The following FBXL5 variants were observed in gnomAD, a reference collection of about 807,000 sequenced individuals.
FBXL5 encodes the protein F-box/LRR-repeat protein 5.
A neutral mutation model predicts 78.3 loss-of-function variants in FBXL5; 26 were observed. That is an observed-to-expected ratio of 0.33 (90% CI 0.24 to 0.46). FBXL5 has a LOEUF of 0.46. FBXL5 is among the 20% of genes least tolerant of loss of function. The pLI is 1.00. For synonymous variants in FBXL5, 295 were observed against 282.5 expected, an observed-to-expected ratio of 1.04 and a Z score of -0.45; for missense variants, 710 against 829.2, an observed-to-expected ratio of 0.86 and a Z score of 1.77.
intron 1 of FBXL5, among the ~76,000 whole-genome samples, chr4:15,674,435 C>T (rs1369120772): frequency 6.6e-6 from 1 of 152,002 alleles, no homozygotes; most frequent in East Asian, 1.9e-4. Context: ...ACACTCATCA[C>T]TTTAAATAAA....
In FBXL5 at chr4:15,617,307, C is replaced by T. The variant is rs139097918; in HGVS notation, c.1851-4893G>A. 2.9e-3 allele frequency among the ~76,000 whole-genome samples: 440 copies of T among 152,102 alleles called. 6 individuals are homozygous for T. Among genetic ancestry groups the T allele is most frequent in the African/African-American group, 0.01 (424 of 41,488 alleles). Reference sequence around the variant, plus strand: ...CTGTAATCCCAGCACTTCGGGAGGCCGAGGCAGGTGGACTGCCTGAGCTCA... The same window carrying T: ...CTGTAATCCCAGCACTTCGGGAGGCTGAGGCAGGTGGACTGCCTGAGCTCA... On this transcript the variant is annotated intron_variant, in intron 9 of 10. Transcript: ENST00000341285.
chr4:15,674,555 T>A (rs1717894705), intron 1 of FBXL5, among the ~76,000 whole-genome samples: 1 of 152,148 alleles, frequency 6.6e-6, no homozygotes, highest in African/African-American at 2.4e-5. Context: ...TACAAAATTA[T>A]TACTCATGAA....
intron 2 of FBXL5, chr4:15,641,567 G>A: frequency 2.2e-6 from 1 of 455,806 alleles, no homozygotes. Flanking sequence ...TATAATACAT[G>A]AAATAATTGT....
upstream of FBXL5, among the ~76,000 whole-genome samples, chr4:15,664,718 C>G (rs546627789): frequency 6.6e-6 from 1 of 151,790 alleles, no homozygotes; most frequent in South Asian, 2.1e-4. Context: ...ATACCACGCC[C>G]GGCTAACTTT....
intron 9 of FBXL5, among the ~76,000 whole-genome samples, chr4:15,617,313 A>G (rs992165955): frequency 6.6e-6 from 1 of 152,156 alleles, no homozygotes; most frequent in African/African-American, 2.4e-5. Flanking sequence ...AGGCCGAGGC[A>G]GGTGGACTGC....
chr4:15,671,927 T>C (rs577107115), intron 1 of FBXL5, among the ~76,000 whole-genome samples: 1 of 152,346 alleles, frequency 6.6e-6, no homozygotes, highest in African/African-American at 2.4e-5. Flanking sequence ...CTCTACTTTT[T>C]GAACATATGG....
At chr4:15,667,340 A>G (rs1717591366) in intron 1 of FBXL5, among the ~76,000 whole-genome samples, 1 of 152,216 alleles carries the variant, frequency 6.6e-6, no homozygotes, top group Non-Finnish European at 1.5e-5. Flanking sequence ...GTTTTAACTC[A>G]TATTAAACAA....
upstream of FBXL5, among the ~76,000 whole-genome samples, chr4:15,660,950 G>A (rs932490183): frequency 2.6e-5 from 4 of 152,018 alleles, no homozygotes; most frequent in South Asian, 2.1e-4. Flanking sequence ...GGTGGCACAC[G>A]CCTGTAGTAC....
upstream of FBXL5, chr4:15,660,017 A>C (rs1229041883): frequency 1.3e-5 from 2 of 152,160 alleles, no homozygotes; most frequent in Non-Finnish European, 1.5e-5. Context: ...ATCCCTGCCT[A>C]CAGAGAGGGG....
chr4:15,617,900 A>G (rs1712075848), intron 9 of FBXL5, among the ~76,000 whole-genome samples: 2 of 152,202 alleles, frequency 1.3e-5, no homozygotes, highest in African/African-American at 2.4e-5. Flanking sequence ...TGTGCAGCAA[A>G]CCACCATGGC....
At chr4:15,659,610 T>C (rs569152790), upstream of FBXL5, 87 of 290,030 alleles carry the variant, frequency 3.0e-4, 2 homozygotes, top group South Asian at 0.01. Flanking sequence ...AAAATCATAG[T>C]CTCTTTCATT....
chr4:15,655,962 G>C (rs367855095), upstream of FBXL5, among the ~76,000 whole-genome samples: 1 of 152,210 alleles, frequency 6.6e-6, no homozygotes, highest in East Asian at 1.9e-4. Flanking sequence ...CCCACAGCGG[G>C]CGCGGGGCCT....
intron 1 of FBXL5, among the ~76,000 whole-genome samples, chr4:15,675,907 G>A (rs1232566132): frequency 2.0e-5 from 3 of 152,102 alleles, no homozygotes; most frequent in African/African-American, 4.8e-5. Context: ...AGTTGAATAC[G>A]CAGAAATGCT....
chr4:15,656,987 C>G (rs940340170), upstream of FBXL5, among the ~76,000 whole-genome samples: 3 of 149,964 alleles, frequency 2.0e-5, no homozygotes, highest in Admixed American at 2.0e-4. Context: ...ACAGAGATGG[C>G]TTATTCACAG....
At chr4:15,650,758 G>C (rs911515238) in intron 1 of FBXL5, among the ~76,000 whole-genome samples, 4 of 143,324 alleles carry the variant, frequency 2.8e-5, no homozygotes, top group African/African-American at 1.0e-4. Flanking sequence ...TTAGCCTCCT[G>C]AGTAGCTGGG....
chr4:15,626,108 AT>A (rs1278361530), intron 8 of FBXL5, 131 bp from the exon 9 acceptor site: 2 of 848,772 alleles, frequency 2.4e-6, no homozygotes, highest in Non-Finnish European at 3.5e-6. Flanking sequence ...TTAGTGAATT[AT>A]CTATTGTTAA....
chr4:15,666,149 A>G (rs1266275228), intron 1 of FBXL5, among the ~76,000 whole-genome samples: 2 of 152,190 alleles, frequency 1.3e-5, no homozygotes, highest in African/African-American at 4.8e-5. Context: ...CTGTACTCCA[A>G]GCACCTTGGG....
At chr4:15,611,924 C>T (rs771620716) in intron 10 of FBXL5, 10 of 166,958 alleles carry the variant, frequency 6.0e-5, no homozygotes, top group Non-Finnish European at 1.0e-4. Flanking sequence ...ATAAATAGTT[C>T]TAAATTCTTA....
chr4:15,644,348 A>C (rs1715168514), intron 2 of FBXL5, 145 bp downstream of exon 2: 1 of 665,034 alleles, frequency 1.5e-6, no homozygotes, highest in Non-Finnish European at 2.5e-6. Flanking sequence ...CTTTTTAAAT[A>C]GTCTTCCTTG....
Sources: gnomAD v4.1 joint callset for allele counts (sites outside exome capture counted in the v4.1 genomes callset) on GRCh38, gnomAD v4.1.1 for gene constraint, MANE v1.5 for transcripts, NCBI Gene and HGNC (gene_info 2026-07-23, HGNC 2026-07-21) for gene names.